The following AFG2A variants were observed in gnomAD, a reference collection of about 807,000 sequenced individuals.
AFG2A encodes the protein ATPase family gene 2 protein homolog A.
At chr4:123,013,249 T>C in the AFG2A span, among the ~76,000 whole-genome samples, 1 of 151,992 alleles carries the variant, frequency 6.6e-6, no homozygotes, top group Admixed American at 6.6e-5. Flanking sequence ...GAACAGGCCA[T>C]TTTCACTTCT....
the AFG2A span, among the ~76,000 whole-genome samples, chr4:123,107,058 G>A: frequency 6.6e-6 from 1 of 152,300 alleles, no homozygotes; most frequent in Middle Eastern, 3.4e-3. Flanking sequence ...ACTGGACGAG[G>A]GGAACACAGT....
At chr4:123,222,603 T>C in the AFG2A span, among the ~76,000 whole-genome samples, 1,173 of 152,278 alleles carry the variant, frequency 7.7e-3, 19 homozygotes, top group African/African-American at 0.026. Context: ...TATTACCAAC[T>C]GTAGGTGTAA....
At chr4:122,963,710 C>T in the AFG2A span, among the ~76,000 whole-genome samples, 2 of 152,098 alleles carry the variant, frequency 1.3e-5, no homozygotes, top group African/African-American at 4.8e-5. Context: ...CTAGTGGTGT[C>T]TTGTGCCTAG....
the AFG2A span, chr4:122,947,514 C>A: frequency 1.3e-6 from 2 of 1,554,954 alleles, no homozygotes; most frequent in South Asian, 2.4e-5. Flanking sequence ...TATGGTGAGT[C>A]TCTATTGATG....
the AFG2A span, among the ~76,000 whole-genome samples, chr4:123,223,032 T>C: frequency 5.3e-5 from 8 of 152,322 alleles, no homozygotes; most frequent in African/African-American, 1.9e-4. Flanking sequence ...ATCCTGGTTT[T>C]AATTCTTCTT....
chr4:123,304,207 G>A, the AFG2A span, among the ~76,000 whole-genome samples: 2 of 152,142 alleles, frequency 1.3e-5, no homozygotes, highest in Non-Finnish European at 2.9e-5. Flanking sequence ...CTGCTGCTCT[G>A]CAGCCAGGAG....
the AFG2A span, among the ~76,000 whole-genome samples, chr4:123,205,523 G>C: frequency 6.6e-6 from 1 of 152,098 alleles, no homozygotes; most frequent in Non-Finnish European, 1.5e-5. Flanking sequence ...ATACAGTATA[G>C]TAACTATTTA....
chr4:123,289,425 T>C, the AFG2A span, among the ~76,000 whole-genome samples: 1 of 152,224 alleles, frequency 6.6e-6, no homozygotes, highest in Non-Finnish European at 1.5e-5. Flanking sequence ...CGATGGGCAC[T>C]TAGGTTGATT....
chr4:122,943,119 G>A, the AFG2A span, among the ~76,000 whole-genome samples: 2 of 152,198 alleles, frequency 1.3e-5, no homozygotes, highest in African/African-American at 4.8e-5. Context: ...CTGTTGATCT[G>A]GGGTGGAGAG....
the AFG2A span, among the ~76,000 whole-genome samples, chr4:123,067,555 T>C: frequency 6.6e-6 from 1 of 151,868 alleles, no homozygotes; most frequent in Non-Finnish European, 1.5e-5. Flanking sequence ...AATGAACAAA[T>C]TTACATGCCT....
chr4:123,222,055 T>C, the AFG2A span, among the ~76,000 whole-genome samples: 1 of 152,222 alleles, frequency 6.6e-6, no homozygotes, highest in Admixed American at 6.5e-5. Context: ...AGAGATCTCA[T>C]GGGTTTTAGA....
chr4:122,965,530 A>C, the AFG2A span, among the ~76,000 whole-genome samples: 2 of 152,210 alleles, frequency 1.3e-5, no homozygotes, highest in African/African-American at 4.8e-5. Context: ...CTTGTTTTCC[A>C]GTCTTAAAAA....
the AFG2A span, among the ~76,000 whole-genome samples, chr4:122,944,191 A>G: frequency 6.6e-6 from 1 of 152,186 alleles, no homozygotes; most frequent in Non-Finnish European, 1.5e-5. Context: ...CTGCCTCGCT[A>G]GATTGGGGAA....
the AFG2A span, chr4:123,256,814 C>T: frequency 1.0e-6 from 1 of 984,324 alleles, no homozygotes; most frequent in Non-Finnish European, 1.2e-6. Context: ...AACATTTTTT[C>T]TCTCCTTACC....
chr4:122,945,714 C>T, the AFG2A span, among the ~76,000 whole-genome samples: 1 of 152,218 alleles, frequency 6.6e-6, no homozygotes, highest in East Asian at 1.9e-4. Flanking sequence ...GATGGAAATA[C>T]AGAAATCACC....
the AFG2A span, among the ~76,000 whole-genome samples, chr4:123,066,955 T>C: frequency 6.6e-6 from 1 of 152,212 alleles, no homozygotes; most frequent in Non-Finnish European, 1.5e-5. Flanking sequence ...CTAAGTACTA[T>C]AGCATAATTT....
At chr4:122,949,502 C>T in the AFG2A span, among the ~76,000 whole-genome samples, 24 of 152,140 alleles carry the variant, frequency 1.6e-4, no homozygotes, top group Middle Eastern at 3.2e-3. Context: ...GGGAGCTCTC[C>T]GCAGACCCAG....
chr4:123,150,040 TA>T, the AFG2A span, among the ~76,000 whole-genome samples: 1 of 152,094 alleles, frequency 6.6e-6, no homozygotes, highest in South Asian at 2.1e-4. Flanking sequence ...ATTATCTCAG[TA>T]GATACAGAAA....
the AFG2A span, among the ~76,000 whole-genome samples, chr4:123,055,520 A>G: frequency 4.6e-5 from 7 of 152,218 alleles, no homozygotes; most frequent in African/African-American, 1.7e-4. Flanking sequence ...ACATTCTGCT[A>G]GGGTTTGCCT....
Sources: allele counts gnomAD v4.1 joint callset (sites outside exome capture counted in the v4.1 genomes callset), GRCh38; gene constraint gnomAD v4.1.1; transcripts MANE v1.5; gene names NCBI Gene and HGNC (gene_info 2026-07-23, HGNC 2026-07-21).